ZFP90: variants seen among roughly 807,000 people sequenced by gnomAD.
The protein encoded by ZFP90 is zinc finger protein 90 homolog.
A neutral mutation model predicts 60.8 loss-of-function variants in ZFP90; 38 were observed. The ratio of observed to expected loss-of-function variants is 0.62; its 90% CI spans 0.48 to 0.82. The LOEUF is 0.82. Ranked by LOEUF, ZFP90 falls within the 40% of genes least tolerant of loss-of-function variation. The pLI is 0.00. For synonymous variants in ZFP90, 287 were observed against 264.8 expected, an observed-to-expected ratio of 1.08 and a Z score of -0.82; for missense variants, 711 against 759.1, an observed-to-expected ratio of 0.94 and a Z score of 0.74.
chr16:68,537,136 T>C (rs1353580382), upstream of ZFP90, among the ~76,000 whole-genome samples: 2 of 152,052 alleles, frequency 1.3e-5, no homozygotes, highest in Non-Finnish European at 2.9e-5. Flanking sequence ...TTGGGCTTTT[T>C]TTTTTTTGAG....
intron 2 of ZFP90, among the ~76,000 whole-genome samples, chr16:68,553,100 T>C (rs2091286986): frequency 6.6e-6 from 1 of 152,064 alleles, no homozygotes; most frequent in South Asian, 2.1e-4. Context: ...ACATGTCAGG[T>C]CTGTTCTAGA....
intron 2 of ZFP90, chr16:68,555,143 T>G (rs923619890): frequency 4.6e-5 from 7 of 152,300 alleles, no homozygotes; most frequent in African/African-American, 1.7e-4. Context: ...CAATCTTTTG[T>G]GCTTTGAGCG....
intron 4 of ZFP90, chr16:68,562,810 A>C (rs996253071): frequency 3.5e-6 from 3 of 853,390 alleles, no homozygotes; most frequent in Admixed American, 5.7e-5. Context: ...TTTCTAACCA[A>C]CCCTCCTAGA....
At chr16:68,573,714 C>T (rs1377819704) in intron 2 of ZFP90, 3 of 152,060 alleles carry the variant, frequency 2.0e-5, no homozygotes, top group African/African-American at 7.3e-5. Context: ...CAAAGGAAGC[C>T]CACTGGCATC....
intron 2 of ZFP90, among the ~76,000 whole-genome samples, chr16:68,552,164 A>G (rs1226924418): frequency 3.3e-5 from 5 of 152,228 alleles, no homozygotes; most frequent in East Asian, 1.9e-4. Flanking sequence ...TTAGGGTTCA[A>G]GGTGTGACCT....
upstream of ZFP90, among the ~76,000 whole-genome samples, chr16:68,539,055 C>G (rs888119925): frequency 2.6e-5 from 4 of 152,228 alleles, no homozygotes; most frequent in African/African-American, 9.6e-5. Context: ...TCTTTCCCGG[C>G]CGATTCCCCA....
chr16:68,564,077 T>A lies in ZFP90; in HGVS notation c.1290T>A (p.Asp430Glu). The A allele has an allele frequency of 6.2e-7, 1 of 1,614,088 alleles. No individual in the cohort carries two copies. Among genetic ancestry groups the A allele is most frequent in the East Asian group, 2.2e-5 (1 of 44,872 alleles). The stretch of plus-strand genomic sequence containing the variant: ...ACCAAAGCAGTAACTACAGCATAGA[T>A]TTCAAGCACAGCACATCTCTCACTC... ...KPYQSSNYSI[D>E]FKHSTSLTQD... Residue 430 changes from aspartate to glutamate, a missense_variant, in exon 5 of 5, where the codon GAT becomes GAA. Physicochemically the swap from Asp to Glu is conservative, Grantham distance 45. Coordinates refer to ENST00000563169, the MANE Select transcript of ZFP90 (RefSeq NM_001305203.2).
intron 2 of ZFP90, among the ~76,000 whole-genome samples, chr16:68,557,703 T>C (rs922317652): frequency 6.6e-6 from 1 of 151,286 alleles, no homozygotes; most frequent in Non-Finnish European, 1.5e-5. Flanking sequence ...AGAAAGTGAA[T>C]AGGCAGCAAT....
At chr16:68,569,820 C>A (rs577092702), downstream of ZFP90, among the ~76,000 whole-genome samples, 2 of 152,274 alleles carry the variant, frequency 1.3e-5, no homozygotes, top group South Asian at 2.1e-4. Flanking sequence ...GATAATTCCT[C>A]TTCTCTGTGC....
chr16:68,568,246 G>A (rs1182097946), downstream of ZFP90, among the ~76,000 whole-genome samples: 2 of 152,180 alleles, frequency 1.3e-5, no homozygotes, highest in Non-Finnish European at 2.9e-5. Flanking sequence ...ACTTAATATA[G>A]TGATATAGTG....
downstream of ZFP90, among the ~76,000 whole-genome samples, chr16:68,571,990 A>G (rs887115731): frequency 1.3e-5 from 2 of 152,164 alleles, no homozygotes; most frequent in Non-Finnish European, 2.9e-5. Flanking sequence ...ACTTTTAGTA[A>G]AACCCTGGTC....
chr16:68,568,834 A>G (rs773160767), downstream of ZFP90, among the ~76,000 whole-genome samples: 7 of 152,112 alleles, frequency 4.6e-5, no homozygotes, highest in East Asian at 1.9e-4. Flanking sequence ...GTGCACCACC[A>G]CACCCGACTA....
intron 2 of ZFP90, among the ~76,000 whole-genome samples, chr16:68,549,474 A>G (rs967853411): frequency 1.3e-5 from 2 of 151,978 alleles, no homozygotes; most frequent in Non-Finnish European, 2.9e-5. Flanking sequence ...TCAGGAGATC[A>G]AGACCATCCT....
At position 68,558,107 on chromosome 16, in the gene ZFP90, G is replaced by A; in HGVS notation, c.143G>A (p.Ser48Asn). 2 of 1,613,782 alleles carry A rather than the reference G, an allele frequency of 1.2e-6. No individual in the cohort carries two copies. The highest frequency in any genetic ancestry group is 1.1e-5 in the South Asian group (1 of 91,056). Residue 48 changes from serine (S) to asparagine (N), a missense_variant, in exon 3 of 5, where the codon AGC (serine) becomes AAC (asparagine). By Grantham distance (46) the Ser-to-Asn change is conservative (BLOSUM62 1). Coordinates refer to ENST00000563169, the MANE Select transcript of ZFP90 (RefSeq NM_001305203.2). The part of the protein sequence containing the change: ...LYRDVMLENY[S>N]HLVSLGYQVS... ...AGGGATGTGATGCTGGAGAACTATA[G>A]CCACCTGGTTTCTCTTGGTAAGGAC...
intron 2 of ZFP90, among the ~76,000 whole-genome samples, chr16:68,557,589 A>G (rs2091366095): frequency 6.6e-6 from 1 of 151,934 alleles, no homozygotes; most frequent in African/African-American, 2.4e-5. Flanking sequence ...TGTATACACC[A>G]AACTATTAAG....
chr16:68,560,345 G>T lies in ZFP90; in HGVS notation c.256+1777G>T, dbSNP rs905724418. On this transcript the variant is annotated intron_variant, in intron 4 of 4. Transcript: ENST00000563169. Reference sequence around the variant, plus strand: ...ATCTAATTTCTATTTCTATGGATTTGTATATCCTGGATAGTTTGTATAAAT... The same window carrying T: ...ATCTAATTTCTATTTCTATGGATTTTTATATCCTGGATAGTTTGTATAAAT... 4.6e-5 allele frequency among the ~76,000 whole-genome samples: 7 copies of T among 152,204 alleles called. No homozygotes were observed. The East Asian group carries it at 7.7e-4, about 17-fold the overall frequency.
exon 3 of ZFP90, chr16:68,575,904 C>T (rs2091591928): frequency 2.5e-6 from 1 of 398,350 alleles, no homozygotes; most frequent in East Asian, 3.6e-5. Flanking sequence ...AAGTAAGGAC[C>T]TCCAGAAGTT....
chr16:68,564,635 A>G lies in ZFP90; in HGVS notation c.1848A>G (p.Lys616=), dbSNP rs377083833. The part of the protein sequence containing the change: ...EKPYSCKECG[K]NFSRSSALTK... ...CCTATTCTTGTAAGGAATGTGGGAAAAACTTCAGCCGAAGTTCAGCTCTTA... is the reference window on the plus strand; with the variant it reads ...CCTATTCTTGTAAGGAATGTGGGAAGAACTTCAGCCGAAGTTCAGCTCTTA... The change falls in exon 5 of 5, where the codon AAA becomes AAG. Residue 616 remains lysine, a synonymous_variant. Coordinates refer to ENST00000563169, the MANE Select transcript of ZFP90 (RefSeq NM_001305203.2). 3.1e-6 allele frequency: 5 copies of G among 1,613,944 alleles called. No individual in the cohort carries two copies. Among genetic ancestry groups the G allele is most frequent in the Non-Finnish European group, 4.2e-6 (5 of 1,179,984 alleles).
chr16:68,550,358 C>G (rs1356575843), intron 2 of ZFP90, among the ~76,000 whole-genome samples: 1 of 152,132 alleles, frequency 6.6e-6, no homozygotes, highest in Non-Finnish European at 1.5e-5. Context: ...CTCCTGGGTT[C>G]AAGCCATTCT....
Sources: allele counts gnomAD v4.1 joint callset (sites outside exome capture counted in the v4.1 genomes callset), GRCh38; gene constraint gnomAD v4.1.1; transcripts MANE v1.5; gene names NCBI Gene and HGNC (gene_info 2026-07-23, HGNC 2026-07-21).